CTNNA3: variants seen among roughly 807,000 people sequenced by gnomAD.
The protein encoded by CTNNA3 is catenin alpha-3.
CTNNA3 carries 76 observed loss-of-function variants against 95.7 expected under a neutral mutation model. The ratio of observed to expected loss-of-function variants is 0.79; its 90% CI spans 0.66 to 0.96. The LOEUF is 0.96. Ranked by LOEUF, CTNNA3 falls within the 40% of genes least tolerant of loss-of-function variation. The probability of loss-of-function intolerance (pLI) is 0.00; values close to 1 mark genes in which losing one functional copy is unlikely to be tolerated. For synonymous variants in CTNNA3, 431 were observed against 374.4 expected, an observed-to-expected ratio of 1.15 and a Z score of -1.74; for missense variants, 1,191 against 1,089.8, an observed-to-expected ratio of 1.09 and a Z score of -1.31.
chr10:66,381,127 G>T (rs2092835218), intron 11 of CTNNA3, among the ~76,000 whole-genome samples: 1 of 152,150 alleles, frequency 6.6e-6, no homozygotes, highest in Non-Finnish European at 1.5e-5. Flanking sequence ...AACCTTCTGA[G>T]ATCTGGCTTC....
At chr10:67,293,517 T>C (rs1428642472) in intron 5 of CTNNA3, among the ~76,000 whole-genome samples, 5 of 152,154 alleles carry the variant, frequency 3.3e-5, no homozygotes, top group Non-Finnish European at 5.9e-5. Context: ...AAATTACACA[T>C]TTTATTTTTT....
At chr10:65,932,469 G>T (rs940172777) in intron 17 of CTNNA3, among the ~76,000 whole-genome samples, 8 of 152,088 alleles carry the variant, frequency 5.3e-5, no homozygotes, top group African/African-American at 1.9e-4. Flanking sequence ...TGTGATGTAG[G>T]TATTATTTTT....
chr10:66,713,564 T>C (rs575678054), intron 9 of CTNNA3, among the ~76,000 whole-genome samples: 5 of 152,216 alleles, frequency 3.3e-5, no homozygotes, highest in Non-Finnish European at 5.9e-5. Context: ...TAATAGATTA[T>C]ATCCTGGCAA....
chr10:66,294,857 A>G (rs981802829), intron 12 of CTNNA3, among the ~76,000 whole-genome samples: 2 of 151,502 alleles, frequency 1.3e-5, no homozygotes. Context: ...GGTAAGTTTC[A>G]AGTCCAGATA....
chr10:66,924,748 C>T (rs1278948981), intron 7 of CTNNA3, among the ~76,000 whole-genome samples: 1 of 152,194 alleles, frequency 6.6e-6, no homozygotes. Context: ...GCATGCAACA[C>T]ACTGTTCTAA....
chr10:67,504,610 C>T (rs1839376328), intron 5 of CTNNA3, among the ~76,000 whole-genome samples: 1 of 152,010 alleles, frequency 6.6e-6, no homozygotes. Context: ...GAGCACCAAC[C>T]ACATGTTCAC....
intron 7 of CTNNA3, among the ~76,000 whole-genome samples, chr10:66,904,554 AG>A (rs1845901749): frequency 6.6e-6 from 1 of 152,228 alleles, no homozygotes; most frequent in South Asian, 2.1e-4. Context: ...GCACAGCAAA[AG>A]AAACCATCAT....
chr10:66,251,462 A>G, intron 13 of CTNNA3, among the ~76,000 whole-genome samples: 1 of 152,178 alleles, frequency 6.6e-6, no homozygotes, highest in East Asian at 1.9e-4. Context: ...GATTGGAGTT[A>G]CATTTTTATA....
At chr10:66,430,946 T>C (rs1222897247) in intron 11 of CTNNA3, among the ~76,000 whole-genome samples, 1 of 152,010 alleles carries the variant, frequency 6.6e-6, no homozygotes, top group Non-Finnish European at 1.5e-5. Flanking sequence ...CAAAAGAAAC[T>C]ACCGTCAGAG....
intron 1 of CTNNA3, among the ~76,000 whole-genome samples, chr10:67,683,849 C>T (rs1840675292): frequency 6.6e-6 from 1 of 152,052 alleles, no homozygotes. Flanking sequence ...GTGAGTGTTA[C>T]AGCTCTTAAA....
chr10:67,597,706 TG>T (rs1320992608), intron 3 of CTNNA3, among the ~76,000 whole-genome samples: 3 of 152,088 alleles, frequency 2.0e-5, no homozygotes, highest in African/African-American at 7.2e-5. Context: ...GTGGTGTCAG[TG>T]GGGTTCATGC....
At chr10:66,187,698 C>T (rs1423481532) in intron 13 of CTNNA3, among the ~76,000 whole-genome samples, 1 of 151,784 alleles carries the variant, frequency 6.6e-6, no homozygotes, top group Non-Finnish European at 1.5e-5. Flanking sequence ...TTAGTGTCCA[C>T]CCATAAAAAG....
chr10:66,959,019 C>T (rs1848982159), intron 7 of CTNNA3, among the ~76,000 whole-genome samples: 1 of 152,116 alleles, frequency 6.6e-6, no homozygotes, highest in Admixed American at 6.6e-5. Flanking sequence ...ACAGACCCTT[C>T]TCTCTTAATT....
At chr10:67,174,838 A>G (rs1862164869) in intron 7 of CTNNA3, among the ~76,000 whole-genome samples, 1 of 152,078 alleles carries the variant, frequency 6.6e-6, no homozygotes. Flanking sequence ...ACCTTGGTTG[A>G]TATCTCTGTT....
intron 9 of CTNNA3, among the ~76,000 whole-genome samples, chr10:66,643,065 A>G (rs1270968718): frequency 6.6e-6 from 1 of 152,170 alleles, no homozygotes; most frequent in Non-Finnish European, 1.5e-5. Context: ...TCAGATGATA[A>G]CAAAGATCAG....
At chr10:67,410,200 T>C (rs1007363844) in intron 5 of CTNNA3, among the ~76,000 whole-genome samples, 1 of 152,148 alleles carries the variant, frequency 6.6e-6, no homozygotes, top group Admixed American at 6.6e-5. Context: ...ATCATGTCAC[T>C]TGCAGGGACA....
intron 5 of CTNNA3, among the ~76,000 whole-genome samples, chr10:67,514,286 C>A (rs545258825): frequency 6.6e-6 from 1 of 151,872 alleles, no homozygotes; most frequent in Non-Finnish European, 1.5e-5. Context: ...GGTAACAGAG[C>A]GAGATTGTCT....
At chr10:67,496,723 T>G (rs1215465855) in intron 5 of CTNNA3, among the ~76,000 whole-genome samples, 1 of 152,168 alleles carries the variant, frequency 6.6e-6, no homozygotes, top group Non-Finnish European at 1.5e-5. Flanking sequence ...ATTCCATCAA[T>G]TTTGGAATAC....
Position 67,726,181 on chromosome 10 carries a change from A to G in CTNNA3, c.-2+37253T>C, listed in dbSNP as rs185859673. 0.03 allele frequency among the ~76,000 whole-genome samples: 2,875 copies of G among 96,168 alleles called. 402 individuals carry two copies. In the East Asian group the frequency reaches 0.46, roughly 16 times the overall value. 63.1% of individuals were successfully genotyped at this position (96,168 alleles called of 152,430 possible). On this transcript the variant is annotated intron_variant, in intron 1 of 17. Coordinates refer to the CTNNA3 transcript ENST00000684154. ...TATATAATCTTATATAATAATATAT[A>G]TTATTATAATATATAATATATCATA... is the stretch of plus-strand genomic sequence containing the variant.
Sources: allele counts gnomAD v4.1 joint callset (sites outside exome capture counted in the v4.1 genomes callset), GRCh38; gene constraint gnomAD v4.1.1; transcripts MANE v1.5; gene names NCBI Gene and HGNC (gene_info 2026-07-23, HGNC 2026-07-21).